Variants in GALNTL6 observed in about 807,000 individuals in gnomAD.
GALNTL6 encodes polypeptide N-acetylgalactosaminyltransferase like 6, also known as polypeptide N-acetylgalactosaminyltransferase-like 6.
Under a neutral mutation model 73.7 loss-of-function variants are expected in GALNTL6, and 46 were observed. The ratio of observed to expected loss-of-function variants is 0.62; its 90% confidence interval spans 0.49 to 0.80. The LOEUF is 0.80. Among genes scored for constraint, GALNTL6 ranks in the 30% least tolerant of loss-of-function variants. GALNTL6 has a pLI of 0.00. For synonymous variants in GALNTL6, 259 were observed against 263.7 expected, an observed-to-expected ratio of 0.98 and a Z score of 0.17; for missense variants, 604 against 755.0, an observed-to-expected ratio of 0.80 and a Z score of 2.34.
chr4:172,173,962 G>A (rs1296814895), intron 2 of GALNTL6, among the ~76,000 whole-genome samples: 3 of 143,910 alleles, frequency 2.1e-5, no homozygotes, highest in Non-Finnish European at 4.4e-5. Context: ...TGAAAAGATA[G>A]TCAGGGACTT....
intron 3 of GALNTL6, among the ~76,000 whole-genome samples, chr4:172,269,480 T>C (rs1284765624): frequency 1.3e-5 from 2 of 151,938 alleles, no homozygotes; most frequent in African/African-American, 4.8e-5. Context: ...ACCCCTTCCC[T>C]CCAATGTCAG....
chr4:172,790,961 G>C (rs113401960), intron 5 of GALNTL6, among the ~76,000 whole-genome samples: 5,312 of 150,672 alleles, frequency 0.035, 324 homozygotes, highest in African/African-American at 0.12. Context: ...AAAGCACACA[G>C]TAGCTATGAT....
intron 5 of GALNTL6, among the ~76,000 whole-genome samples, chr4:172,360,976 T>G (rs1742346684): frequency 6.6e-6 from 1 of 152,136 alleles, no homozygotes; most frequent in Non-Finnish European, 1.5e-5. Context: ...CCTAATTTGC[T>G]TCCTCTATCT....
chr4:172,223,292 A>C (rs1736749230), intron 2 of GALNTL6, among the ~76,000 whole-genome samples: 1 of 152,082 alleles, frequency 6.6e-6, no homozygotes, highest in Non-Finnish European at 1.5e-5. Flanking sequence ...TCCACCAAAA[A>C]AATTTATGTT....
chr4:172,556,420 A>G (rs1736143562), intron 5 of GALNTL6, among the ~76,000 whole-genome samples: 1 of 151,884 alleles, frequency 6.6e-6, no homozygotes, highest in Non-Finnish European at 1.5e-5. Context: ...TAGCCCCCTA[A>G]CTAGGGTTGC....
chr4:172,019,576 T>A (rs7685322), intron 2 of GALNTL6, among the ~76,000 whole-genome samples: 10,532 of 152,012 alleles, frequency 0.069, 797 homozygotes, highest in African/African-American at 0.18. Context: ...GACAAAGAAG[T>A]GCATTATATA....
chr4:172,885,266 T>C (rs564927884), intron 8 of GALNTL6, among the ~76,000 whole-genome samples: 2 of 152,286 alleles, frequency 1.3e-5, no homozygotes, highest in African/African-American at 2.4e-5. Context: ...ATGGTATATC[T>C]TTCCATCTTT....
At chr4:171,984,523 C>T (rs1180712958) in intron 2 of GALNTL6, among the ~76,000 whole-genome samples, 1 of 152,060 alleles carries the variant, frequency 6.6e-6, no homozygotes, top group African/African-American at 2.4e-5. Context: ...TGTAGCGGGA[C>T]TTTGGGTTGC....
At chr4:172,286,196 A>T (rs148920882) in intron 3 of GALNTL6, among the ~76,000 whole-genome samples, 1 of 152,284 alleles carries the variant, frequency 6.6e-6, no homozygotes, top group African/African-American at 2.4e-5. Flanking sequence ...AAAATATCTG[A>T]TATCTGGCTG....
intron 9 of GALNTL6, 23 bp from the exon 10 acceptor site, chr4:172,952,014 A>ATTTTTTT: frequency 7.0e-7 from 1 of 1,421,268 alleles, no homozygotes; most frequent in Non-Finnish European, 9.2e-7. Context: ...AATAAATGAC[A>ATTTTTTT]TTTTTGTTTT....
At chr4:171,899,061 CT>C (rs1369891481) in intron 2 of GALNTL6, among the ~76,000 whole-genome samples, 2 of 48,536 alleles carry the variant, frequency 4.1e-5, no homozygotes, top group African/African-American at 2.2e-4. Context: ...GGAAATTGTA[CT>C]TTTAGTATTA....
chr4:171,942,745 A>C (rs1738588360), intron 2 of GALNTL6, among the ~76,000 whole-genome samples: 1 of 152,240 alleles, frequency 6.6e-6, no homozygotes, highest in South Asian at 2.1e-4. Context: ...CGTAGGATCT[A>C]TATTGCAGAC....
In GALNTL6 at chr4:172,950,972, T is replaced by C. The variant is rs764871288; in HGVS notation, c.1150-1065T>C. Among the ~76,000 whole-genome samples, 27 of 152,160 alleles carry C rather than the reference T, an allele frequency of 1.8e-4. 1 individual carries two copies. Among genetic ancestry groups the C allele is most frequent in the Non-Finnish European group, 3.4e-4 (23 of 68,026 alleles). On this transcript the variant is annotated intron_variant, in intron 9 of 12. Coordinates refer to ENST00000506823, the MANE Select transcript of GALNTL6 (RefSeq NM_001034845.3). Reference sequence around the variant, plus strand: ...TCAAAACTGGTATCTTCTACACAAATGCAGCTGTTCTCTCTACTGTTTAGC... The same window carrying C: ...TCAAAACTGGTATCTTCTACACAAACGCAGCTGTTCTCTCTACTGTTTAGC...
At chr4:172,467,850 C>T in intron 5 of GALNTL6, among the ~76,000 whole-genome samples, 1 of 142,986 alleles carries the variant, frequency 7.0e-6, no homozygotes. Flanking sequence ...TTCTTTCTTT[C>T]TTTCTTTCTT....
chr4:172,762,760 A>G (rs1214810798), intron 5 of GALNTL6, among the ~76,000 whole-genome samples: 2 of 141,488 alleles, frequency 1.4e-5, no homozygotes, highest in African/African-American at 5.3e-5. Flanking sequence ...TACTCTTCAA[A>G]TTATCCAAAC....
chr4:172,077,213 A>C (rs1156882093), intron 2 of GALNTL6, among the ~76,000 whole-genome samples: 2 of 152,174 alleles, frequency 1.3e-5, no homozygotes, highest in Non-Finnish European at 2.9e-5. Flanking sequence ...GTGTTTCTAT[A>C]AAGATACCTG....
At chr4:172,933,686 T>C (rs971911578) in intron 9 of GALNTL6, among the ~76,000 whole-genome samples, 1 of 152,172 alleles carries the variant, frequency 6.6e-6, no homozygotes, top group Non-Finnish European at 1.5e-5. Flanking sequence ...AATTCTGATA[T>C]TTTGTGGGAG....
At chr4:172,718,120 TG>T (rs1304205327) in intron 5 of GALNTL6, among the ~76,000 whole-genome samples, 1 of 152,190 alleles carries the variant, frequency 6.6e-6, no homozygotes, top group Non-Finnish European at 1.5e-5. Context: ...AAGTTTTGGT[TG>T]GAAAAAATAC....
chr4:172,597,489 T>C (rs1192845363), intron 5 of GALNTL6, among the ~76,000 whole-genome samples: 2 of 152,184 alleles, frequency 1.3e-5, no homozygotes, highest in Admixed American at 6.6e-5. Context: ...ATAATAGTTA[T>C]TTTTGCTTTG....
Sources: allele counts gnomAD v4.1 joint callset (sites outside exome capture counted in the v4.1 genomes callset), GRCh38; gene constraint gnomAD v4.1.1; transcripts MANE v1.5; gene names NCBI Gene and HGNC (gene_info 2026-07-23, HGNC 2026-07-21).